The following SLC12A2 variants were observed in gnomAD, a reference collection of about 807,000 sequenced individuals.
The protein encoded by SLC12A2 is solute carrier family 12 member 2.
In SLC12A2, 67 loss-of-function variants were observed where a neutral mutation model predicts 136.3. That is an observed-to-expected ratio of 0.49 (90% CI 0.40 to 0.60). The LOEUF is 0.60. Ranked by LOEUF, SLC12A2 falls within the 20% of genes least tolerant of loss-of-function variation. The pLI is 0.00. For missense variants in SLC12A2, 1,322 were observed against 1,534.7 expected (o/e 0.86, Z 2.32); for synonymous variants, 619 against 562.9 (o/e 1.10, Z -1.41).
At chr5:128,162,159 G>C (rs921347549) in intron 17 of SLC12A2, among the ~76,000 whole-genome samples, 2 of 152,096 alleles carry the variant, frequency 1.3e-5, no homozygotes, top group African/African-American at 4.8e-5. Flanking sequence ...TAAGCACAGG[G>C]TTAAGAATAG....
At chr5:128,133,492 C>G (rs939748930) in intron 5 of SLC12A2, among the ~76,000 whole-genome samples, 15 of 152,042 alleles carry the variant, frequency 9.9e-5, no homozygotes, top group African/African-American at 3.6e-4. Context: ...TTATTATAAT[C>G]TGTACTTTAG....
chr5:128,149,995 A>G lies in SLC12A2; in HGVS notation c.2006-2A>G, dbSNP rs1311003495. 6.2e-7 allele frequency: 1 copy of G among 1,601,164 alleles called. No individual in the cohort carries two copies. On this transcript the variant is annotated splice_acceptor_variant, in intron 12 of 26. Transcript: ENST00000262461. LOFTEE classifies it high-confidence loss of function. ...TAAATCTCGCATGTGTTTGTTCTGC[A>G]GCTGAACTGAATGTTATTGCACCAA...
intron 5 of SLC12A2, 50 bp from the exon 6 acceptor site, chr5:128,134,115 G>T: frequency 1.1e-6 from 1 of 935,068 alleles, no homozygotes; most frequent in African/African-American, 1.6e-5. Context: ...GTGTGAATGT[G>T]TATAAAAATA....
At chr5:128,111,239 A>G (rs952823502) in intron 1 of SLC12A2, among the ~76,000 whole-genome samples, 10 of 152,186 alleles carry the variant, frequency 6.6e-5, no homozygotes, top group Admixed American at 3.3e-4. Context: ...TTATACTTCT[A>G]TTGCTTCAAA....
intron 6 of SLC12A2, among the ~76,000 whole-genome samples, chr5:128,134,769 A>G (rs1581098948): frequency 6.6e-6 from 1 of 152,196 alleles, no homozygotes; most frequent in East Asian, 1.9e-4. Context: ...CAGAGCACCC[A>G]GAAGTGTTTT....
intron 16 of SLC12A2, among the ~76,000 whole-genome samples, 196 bp downstream of exon 16, chr5:128,158,360 A>G (rs937476026): frequency 6.6e-6 from 1 of 152,148 alleles, no homozygotes; most frequent in Non-Finnish European, 1.5e-5. Flanking sequence ...CCCACCCAGT[A>G]GCCTCAAGTA....
chr5:128,120,000 A>T (rs549088331), intron 4 of SLC12A2, among the ~76,000 whole-genome samples: 1 of 152,148 alleles, frequency 6.6e-6, no homozygotes, highest in East Asian at 1.9e-4. Context: ...ATGAACTCAA[A>T]CAAATTTACA....
Position 128,150,107 on chromosome 5 carries a change from A to C in SLC12A2, c.2107+9A>C. ...ACTTGCAAAATCTCCAGGTAATTTT[A>C]CATTTTTAAAAAAGTTTGTAAATAT... On this transcript the variant is annotated intron_variant, in intron 13 of 26. Transcript: ENST00000262461. 1 of 1,527,284 alleles carries C rather than the reference A, an allele frequency of 6.5e-7. No individual in the cohort carries two copies. Among genetic ancestry groups the C allele is most frequent in the African/African-American group, 1.4e-5 (1 of 72,992 alleles). The allele number at this position is 1,527,284 out of a possible 1,614,324, so 94.6% of individuals were successfully genotyped here.
At chr5:128,108,735 A>G (rs1402387631) in intron 1 of SLC12A2, among the ~76,000 whole-genome samples, 1 of 152,248 alleles carries the variant, frequency 6.6e-6, no homozygotes, top group Non-Finnish European at 1.5e-5. Flanking sequence ...TTGTAGATAT[A>G]CGAAAAATCA....
At chr5:128,088,046 T>C (rs960643136) in intron 1 of SLC12A2, among the ~76,000 whole-genome samples, 4 of 151,904 alleles carry the variant, frequency 2.6e-5, no homozygotes, top group Non-Finnish European at 5.9e-5. Flanking sequence ...TGTGTCTGTA[T>C]ATAAACATAT....
Position 128,084,973 on chromosome 5 carries a change from G to T in SLC12A2, c.756+263G>T, listed in dbSNP as rs1262158035. Among the ~76,000 whole-genome samples the T allele has an allele frequency of 6.7e-6, 1 of 149,806 alleles. No individual in the cohort carries two copies. Among genetic ancestry groups the T allele is most frequent in the African/African-American group, 2.5e-5 (1 of 40,410 alleles). Reference sequence around the variant, plus strand: ...CCCCATCCAGTTAGGTATCTCGTGTGCACTTTCTTTCCCACCCACGCTCAA... The same window carrying T: ...CCCCATCCAGTTAGGTATCTCGTGTTCACTTTCTTTCCCACCCACGCTCAA... On this transcript the variant is annotated intron_variant, in intron 1 of 26. Coordinates refer to ENST00000262461, the MANE Select transcript of SLC12A2 (RefSeq NM_001046.3). This position sits in a 1 kb window ranked among gnomAD's most constrained non-coding sequence, Gnocchi z 5.6.
chr5:128,126,966 A>ATATATATTTT, intron 4 of SLC12A2, among the ~76,000 whole-genome samples: 4 of 21,160 alleles, frequency 1.9e-4, no homozygotes, highest in African/African-American at 5.0e-4. Context: ...ATATATATAT[A>ATATATATTTT]TTTTTTTTTT....
chr5:128,146,715 A>C (rs1762539441), intron 10 of SLC12A2, among the ~76,000 whole-genome samples: 1 of 151,740 alleles, frequency 6.6e-6, no homozygotes, highest in African/African-American at 2.4e-5. Context: ...CCTAGACTTT[A>C]TATCATATCT....
At chr5:128,095,083 T>C (rs994143294) in intron 1 of SLC12A2, among the ~76,000 whole-genome samples, 2 of 152,192 alleles carry the variant, frequency 1.3e-5, no homozygotes, top group African/African-American at 4.8e-5. Context: ...TTAAAGTCAT[T>C]AGAGAGTCTA....
At chr5:128,091,427 G>A (rs1168444786) in intron 1 of SLC12A2, among the ~76,000 whole-genome samples, 1 of 152,164 alleles carries the variant, frequency 6.6e-6, no homozygotes, top group African/African-American at 2.4e-5. Context: ...GTAAAAATGT[G>A]CTTTTGCTCT....
Position 128,134,291 on chromosome 5 carries a change from A to G in SLC12A2, c.1299+16A>G. 8.2e-7 allele frequency: 1 copy of G among 1,213,258 alleles called. No homozygotes were observed. The highest frequency in any genetic ancestry group is 1.2e-5 in the South Asian group (1 of 82,220). 75.2% of individuals were successfully genotyped at this position (1,213,258 alleles called of 1,614,324 possible). A position where few individuals can be genotyped will look rare whatever the true frequency, so the allele number is the denominator to read the frequency against. ...GGAAGCAAAAGTAAGTTATGATAGG[A>G]ACACCTGTAAATATTTAATACGTAA... On this transcript the variant is annotated intron_variant, in intron 6 of 26. Coordinates refer to ENST00000262461, the MANE Select transcript of SLC12A2 (RefSeq NM_001046.3).
intron 4 of SLC12A2, 121 bp downstream of exon 4, chr5:128,114,802 A>G: frequency 1.6e-6 from 1 of 635,404 alleles, no homozygotes. Flanking sequence ...TATAGACAAG[A>G]AAGTTGCTAC....
chr5:128,131,278 A>G lies in SLC12A2; in HGVS notation c.1188+72A>G, dbSNP rs568191024. On this transcript the variant is annotated intron_variant, in intron 5 of 26. Coordinates refer to ENST00000262461, the MANE Select transcript of SLC12A2 (RefSeq NM_001046.3). ...GGGATTATATGCCGATCACCATGTT[A>G]GAGGTTGGGAAAGCAGTGATATGAT... 7.6e-5 allele frequency: 113 copies of G among 1,486,940 alleles called. 1 individual carries two copies. The African/African-American group carries it at 9.3e-4, about 12-fold the overall frequency. 92.1% of individuals were successfully genotyped at this position (1,486,940 alleles called of 1,614,324 possible).
chr5:128,184,257 T>C (rs1561710020), intron 24 of SLC12A2, 109 bp from the exon 25 acceptor site: 3 of 685,062 alleles, frequency 4.4e-6, no homozygotes, highest in Non-Finnish European at 7.2e-6. Context: ...GAGAGGAGCG[T>C]AATAAATGAG....
Sources: allele counts gnomAD v4.1 joint callset (sites outside exome capture counted in the v4.1 genomes callset), GRCh38; gene constraint gnomAD v4.1.1; non-coding constraint Gnocchi (gnomAD v3.1); transcripts MANE v1.5; gene names NCBI Gene and HGNC (gene_info 2026-07-23, HGNC 2026-07-21).